ZFTA: variants seen among roughly 807,000 people sequenced by gnomAD.
ZFTA encodes zinc finger translocation-associated protein.
In ZFTA, 35 loss-of-function variants were observed where a neutral mutation model predicts 41.8. That is an observed-to-expected ratio of 0.84 (90% CI 0.64 to 1.11). The LOEUF is 1.11. ZFTA is among the 50% of genes most tolerant of loss of function. The pLI, the probability that ZFTA is intolerant of heterozygous loss-of-function variation, is 0.00. For synonymous variants in ZFTA, 514 were observed against 436.4 expected, an observed-to-expected ratio of 1.18 and a Z score of -2.22; for missense variants, 964 against 989.8, an observed-to-expected ratio of 0.97 and a Z score of 0.35.
Position 63,766,253 on chromosome 11 carries a change from G to A in ZFTA, c.191C>T (p.Pro64Leu). 6.6e-7 allele frequency: 1 copy of A among 1,521,144 alleles called. No homozygotes were observed. The highest frequency in any genetic ancestry group is 8.8e-7 in the Non-Finnish European group (1 of 1,136,356). 94.2% of individuals were successfully genotyped at this position (1,521,144 alleles called of 1,614,324 possible). The change falls in exon 2 of 5, where the codon CCC (proline) becomes CTC (leucine). Residue 64 changes from proline to leucine, a missense_variant. By Grantham distance (98) the Pro-to-Leu change is moderately conservative (BLOSUM62 -3). Coordinates refer to ENST00000433688, the MANE Select transcript of ZFTA (RefSeq NM_001144936.2). ...TCCCCTGGCCCTGGAGGAGGGCAGG[G>A]GGGCACTCCCCCAGGACCCCAAGGC... ...GGALGSWGSA[P>L]LPSSRARGPA...
At position 63,764,529 on chromosome 11, in the gene ZFTA, G is replaced by A. The variant is rs2014713079; in HGVS notation, c.1094C>T (p.Ser365Phe). 9 of 1,257,364 alleles carry A rather than the reference G, an allele frequency of 7.2e-6. No homozygotes were observed. Among genetic ancestry groups the A allele is most frequent in the Middle Eastern group, 2.1e-4 (1 of 4,816 alleles). 77.9% of individuals were successfully genotyped at this position (1,257,364 alleles called of 1,614,324 possible). A position where few individuals can be genotyped will look rare whatever the true frequency, so the allele number is the denominator to read the frequency against. ...GTCTGGGGGGCTGAGATCCTGAGAG[G>A]AGGGGGCTCCAGCAGCGGAGGCCGA... ...RDSASAAGAPSSQDLSPPDVK... is the reference protein window; with the variant it reads ...RDSASAAGAPFSQDLSPPDVK... The change falls in exon 4 of 5, where the codon TCC becomes TTC. Residue 365 changes from serine to phenylalanine, a missense_variant. Coordinates refer to ENST00000433688, the MANE Select transcript of ZFTA (RefSeq NM_001144936.2).
rs960847615 is a variant in ZFTA at position 63,764,413 on chromosome 11, C to A, written c.1210G>T (p.Val404Phe). 1.6e-6 allele frequency: 2 copies of A among 1,273,484 alleles called. No homozygotes were observed. The highest frequency in any genetic ancestry group is 2.0e-6 in the Non-Finnish European group (2 of 1,012,402). 78.9% of individuals were successfully genotyped at this position (1,273,484 alleles called of 1,614,324 possible). A position where few individuals can be genotyped will look rare whatever the true frequency, so the allele number is the denominator to read the frequency against. Residue 404 changes from valine to phenylalanine, a missense_variant, in exon 4 of 5, where the codon GTC becomes TTC. Around this residue, in one of 5 missense-constraint regions of ZFTA, gnomAD observed 584 missense variants for 523.1 expected, o/e 1.12. Transcript: ENST00000433688. ...CGGCCCCGCGGCGACCGGCCCGGGA[C>A]CCCCGCCCTCTCGCCCTCGCCCTCC... ...LEEGEGERAGVPGRSPRGRAH... is the reference protein window; with the variant it reads ...LEEGEGERAGFPGRSPRGRAH...
chr11:63,763,759 G>A lies in ZFTA; in HGVS notation c.1696C>T (p.Pro566Ser). ...CTGCGGGGCGGGGGCGGAGGCGGGG[G>A]AGGAGGCGGCGGCGGCAAGGCGAGT... is the stretch of plus-strand genomic sequence containing the variant. Reference protein sequence around the residue: ...GGLALPPPPPPPPPPPPRSRE... With the variant: ...GGLALPPPPPSPPPPPPRSRE... The change falls in exon 5 of 5, where the codon CCC (proline) becomes TCC (serine). Residue 566 changes from proline to serine, a missense_variant. This residue lies in a region of ZFTA where 584 missense variants were observed against 523.1 expected (regional missense o/e 1.12). Transcript: ENST00000433688. 5 of 1,469,328 alleles carry A rather than the reference G, an allele frequency of 3.4e-6. No individual in the cohort carries two copies. Among genetic ancestry groups the A allele is most frequent in the Non-Finnish European group, 4.5e-6 (5 of 1,111,904 alleles). The allele number at this position is 1,469,328 out of a possible 1,614,324, so 91.0% of individuals were successfully genotyped here.
At chr11:63,768,444 C>T in intron 1 of ZFTA, 40 bp downstream of exon 1, 1 of 1,086,120 alleles carries the variant, frequency 9.2e-7, no homozygotes, top group Non-Finnish European at 1.1e-6. Context: ...CCTTCCCCCA[C>T]GCCGGGGCCC....
chr11:63,765,983 T>C lies in ZFTA; in HGVS notation c.461A>G (p.His154Arg), dbSNP rs1436191401. The C allele has an allele frequency of 3.9e-6, 6 of 1,551,522 alleles. No homozygotes were observed. The highest frequency in any genetic ancestry group is 5.2e-6 in the Non-Finnish European group (6 of 1,146,954). ...HIRQKHPYSL[H>R]WSPREKEVIS... ...GACTTCCTTCTCCCGGGGACTCCAA[T>C]GCAAGGAGTAGGGGTGCTTTTGGCG... The change falls in exon 2 of 5, where the codon CAT becomes CGT. Residue 154 changes from histidine to arginine, a missense_variant. Coordinates refer to ENST00000433688, the MANE Select transcript of ZFTA (RefSeq NM_001144936.2). The surrounding 1 kb of genome is among the most constrained non-coding windows in gnomAD (Gnocchi z 4.0).
Position 63,765,020 on chromosome 11 carries a change from GC to G in ZFTA, c.871del (p.Ala291HisfsTer60). 1 of 1,548,954 alleles carries G rather than the reference GC, an allele frequency of 6.5e-7. No homozygotes were observed. Among genetic ancestry groups the G allele is most frequent in the Non-Finnish European group, 8.7e-7 (1 of 1,146,556 alleles). Reference sequence around the variant, plus strand: ...GTCGTCCAGGTGCAGGCTGGGCAGTGCCCGGCCACAGGCCATGCACACCAGC... The same window carrying G: ...GTCGTCCAGGTGCAGGCTGGGCAGTGCCGGCCACAGGCCATGCACACCAGC... ...NRLVCMACGR[A>X]LPSLHLDDIR... On this transcript the variant is annotated frameshift_variant, in exon 3 of 5. Coordinates refer to ENST00000433688, the MANE Select transcript of ZFTA (RefSeq NM_001144936.2). LOFTEE classifies it high-confidence loss of function. The surrounding 1 kb of genome is among the most constrained non-coding windows in gnomAD (Gnocchi z 4.0).
At chr11:63,766,497 C>G (rs895395564) in intron 1 of ZFTA, among the ~76,000 whole-genome samples, 193 bp from the exon 2 acceptor site, 1 of 152,066 alleles carries the variant, frequency 6.6e-6, no homozygotes, top group Non-Finnish European at 1.5e-5. Context: ...GGGCAAGGAC[C>G]CTTTAAGAGG....
In ZFTA at chr11:63,766,228, TC is replaced by T. The variant is rs35438004; in HGVS notation, c.215del (p.Gly72AspfsTer43). On this transcript the variant is annotated frameshift_variant, in exon 2 of 5. Transcript: ENST00000433688. LOFTEE classifies it high-confidence loss of function. ...SAPLPSSRARGPASSGRKYSD... is the reference protein window; with the variant it reads ...SAPLPSSRARXPASSGRKYSD... ...AATATTTCCTGCCTGAAGATGCTGG[TC>T]CCCTGGCCCTGGAGGAGGGCAGGGG... 6.5e-7 allele frequency: 1 copy of T among 1,533,240 alleles called. No individual in the cohort carries two copies. 95.0% of individuals were successfully genotyped at this position (1,533,240 alleles called of 1,614,324 possible).
Position 63,768,550 on chromosome 11 carries a change from C to T in ZFTA, c.73G>A (p.Ala25Thr). Residue 25 changes from alanine (A) to threonine (T), a missense_variant, in exon 1 of 5, where the codon GCA (alanine) becomes ACA (threonine). Transcript: ENST00000433688. ...GCGGGCGGCAGCCGTCGGCCCCGTG[C>T]CGAGGCCACTGCTGGCCCGGGGCCG... ...RGGPGPAVAS[A>T]RGRRLPPAGS... The T allele has an allele frequency of 2.6e-6, 3 of 1,132,932 alleles. No individual in the cohort carries two copies. The highest frequency in any genetic ancestry group is 5.0e-5 in the Admixed American group (1 of 19,870). 70.2% of individuals were successfully genotyped at this position (1,132,932 alleles called of 1,614,324 possible).
chr11:63,764,618 G>C lies in ZFTA; in HGVS notation c.1025-20C>G. On this transcript the variant is annotated intron_variant, in intron 3 of 4. Coordinates refer to ENST00000433688, the MANE Select transcript of ZFTA (RefSeq NM_001144936.2). ...CATCGCCTGTTGGGGAAGGGGTGAGGGAGAGGGGCTCAGCCTGCTGGCTGG... is the reference window on the plus strand; with the variant it reads ...CATCGCCTGTTGGGGAAGGGGTGAGCGAGAGGGGCTCAGCCTGCTGGCTGG... 7.9e-7 allele frequency: 1 copy of C among 1,263,578 alleles called. No homozygotes were observed. Among genetic ancestry groups the C allele is most frequent in the Non-Finnish European group, 1.0e-6 (1 of 1,003,026 alleles). 78.3% of individuals were successfully genotyped at this position (1,263,578 alleles called of 1,614,324 possible).
Position 63,764,294 on chromosome 11 carries a change from C to A in ZFTA, c.1329G>T (p.Gly443=). The A allele has an allele frequency of 1.4e-6, 2 of 1,421,180 alleles. No homozygotes were observed. Among genetic ancestry groups the A allele is most frequent in the Non-Finnish European group, 1.8e-6 (2 of 1,093,996 alleles). The allele number at this position is 1,421,180 out of a possible 1,614,324, so 88.0% of individuals were successfully genotyped here. The part of the protein sequence containing the change: ...GRRGLVCGVC[G]GALASLKMST... Reference sequence around the variant, plus strand: ...TCATCTTGAGCGAGGCCAGCGCGCCCCCGCACACCCCGCACACCAGGCCGC... The same window carrying A: ...TCATCTTGAGCGAGGCCAGCGCGCCACCGCACACCCCGCACACCAGGCCGC... The change falls in exon 4 of 5, where the codon GGG becomes GGT. Residue 443 remains glycine (G), a synonymous_variant. Transcript: ENST00000433688.
chr11:63,767,057 T>G (rs1249799291), intron 1 of ZFTA, among the ~76,000 whole-genome samples: 1 of 152,194 alleles, frequency 6.6e-6, no homozygotes, highest in Non-Finnish European at 1.5e-5. Context: ...CTGAAGCCCA[T>G]TAAGTCTTTC....
chr11:63,763,654 C>A lies in ZFTA; in HGVS notation c.1801G>T (p.Val601Leu). 1 of 1,545,370 alleles carries A rather than the reference C, an allele frequency of 6.5e-7. No homozygotes were observed. The highest frequency in any genetic ancestry group is 8.7e-7 in the Non-Finnish European group (1 of 1,144,436). Reference sequence around the variant, plus strand: ...AGCGCGCCCCCGCACACCATACACACCAGGCCGCGCCGGCTGCCGTCGTAG... The same window carrying A: ...AGCGCGCCCCCGCACACCATACACAACAGGCCGCGCCGGCTGCCGTCGTAG... ...MDYDGSRRGLVCMVCGGALAT... is the reference protein window; with the variant it reads ...MDYDGSRRGLLCMVCGGALAT... Residue 601 changes from valine to leucine, a missense_variant, in exon 5 of 5, where the codon GTG (valine) becomes TTG (leucine). Around this residue, in one of 5 missense-constraint regions of ZFTA, gnomAD observed 63 missense variants for 97.8 expected, o/e 0.64. Transcript: ENST00000433688.
rs2014680054 is a variant in ZFTA, at chr11:63,763,295, G to C, written c.*123C>G. The C allele has an allele frequency of 5.8e-6, 4 of 685,274 alleles. No individual in the cohort carries two copies. Among genetic ancestry groups the C allele is most frequent in the South Asian group, 1.4e-4 (2 of 14,536 alleles). 42.4% of individuals were successfully genotyped at this position (685,274 alleles called of 1,614,324 possible). A position where few individuals can be genotyped will look rare whatever the true frequency, so the allele number is the denominator to read the frequency against. On this transcript the variant is annotated 3_prime_UTR_variant, in exon 5 of 5. Coordinates refer to ENST00000433688, the MANE Select transcript of ZFTA (RefSeq NM_001144936.2). ...CTCCGCCCGGCCCGGCCAGCGGGGG[G>C]CGCGGCCGCGGGAAGCGCTAACACC...
At position 63,763,789 on chromosome 11, in the gene ZFTA, C is replaced by G; in HGVS notation, c.1666G>C (p.Gly556Arg). 6.9e-7 allele frequency: 1 copy of G among 1,458,888 alleles called. No individual in the cohort carries two copies. The highest frequency in any genetic ancestry group is 1.5e-5 in the South Asian group (1 of 68,180). 90.4% of individuals were successfully genotyped at this position (1,458,888 alleles called of 1,614,324 possible). The change falls in exon 5 of 5, where the codon GGG (glycine) becomes CGG (arginine). Residue 556 changes from glycine (G) to arginine (R), a missense_variant. Physicochemically the swap from Gly to Arg is moderately radical, Grantham distance 125. Transcript: ENST00000433688. ...GGCGGCGGCGGCAAGGCGAGTCCCCCAGGCTCCTGGCCGTCCTCTTCGTCC... is the reference window on the plus strand; with the variant it reads ...GGCGGCGGCGGCAAGGCGAGTCCCCGAGGCTCCTGGCCGTCCTCTTCGTCC... ...EEDEEDGQEP[G>R]GLALPPPPPP...
chr11:63,763,857 A>G lies in ZFTA; in HGVS notation c.1598T>C (p.Leu533Pro). ...CCGCTCCAAGGGAGCTCCAGGGGAC[A>G]GCGGAACGTCGCCTAAGGAGGGACA... The part of the protein sequence containing the change: ...EEEEEWGDVP[L>P]SPGAPLERPA... Residue 533 changes from leucine (L) to proline (P), a missense_variant, in exon 5 of 5, where the codon CTG becomes CCG. By Grantham distance (98) the Leu-to-Pro change is moderately conservative (BLOSUM62 -3). This residue lies in a region of ZFTA where 584 missense variants were observed against 523.1 expected (regional missense o/e 1.12). Coordinates refer to ENST00000433688, the MANE Select transcript of ZFTA (RefSeq NM_001144936.2). 2.1e-6 allele frequency: 3 copies of G among 1,425,940 alleles called. No homozygotes were observed. Among genetic ancestry groups the G allele is most frequent in the African/African-American group, 3.0e-5 (2 of 66,542 alleles). 88.3% of individuals were successfully genotyped at this position (1,425,940 alleles called of 1,614,324 possible).
rs2014705975 is a variant in ZFTA at position 63,764,240 on chromosome 11, G to T, written c.1383C>A (p.Arg461=). ...MSTIERHIRR[R]HPGSTRLGGP... is the part of the protein sequence containing the mutation. ...CGCCGAGGCGCGTGGAGCCCGGGTG[G>T]CGCCGGCGGATGTGGCGCTCGATGG... Residue 461 remains arginine, a synonymous_variant, in exon 4 of 5, where the codon CGC becomes CGA. Coordinates refer to ENST00000433688, the MANE Select transcript of ZFTA (RefSeq NM_001144936.2). 2.1e-6 allele frequency: 3 copies of T among 1,447,200 alleles called. No individual in the cohort carries two copies. In the South Asian group the frequency reaches 4.1e-5, roughly 20 times the overall value. 89.6% of individuals were successfully genotyped at this position (1,447,200 alleles called of 1,614,324 possible).
Position 63,765,314 on chromosome 11 carries a change from G to A in ZFTA, c.638-60C>T. On this transcript the variant is annotated intron_variant, in intron 2 of 4. Transcript: ENST00000433688. This position sits in a 1 kb window ranked among gnomAD's most constrained non-coding sequence, Gnocchi z 4.0. ...GCCCCACGGGAGCATACCCACTACA[G>A]CCAGGTCTCCCACAAGCCTCTCACT... is the stretch of plus-strand genomic sequence containing the variant. The A allele has an allele frequency of 2.1e-6, 3 of 1,405,962 alleles. No individual in the cohort carries two copies. The highest frequency in any genetic ancestry group is 2.8e-6 in the Non-Finnish European group (3 of 1,084,714). The allele number at this position is 1,405,962 out of a possible 1,614,324, so 87.1% of individuals were successfully genotyped here. A position where few individuals can be genotyped will look rare whatever the true frequency, so the allele number is the denominator to read the frequency against.
chr11:63,763,406 C>A lies in ZFTA; in HGVS notation c.*12G>T. The A allele has an allele frequency of 2.3e-6, 3 of 1,282,768 alleles. 1 individual carries two copies. Among genetic ancestry groups the A allele is most frequent in the Middle Eastern group, 6.1e-4 (2 of 3,284 alleles). The allele number at this position is 1,282,768 out of a possible 1,614,324, so 79.5% of individuals were successfully genotyped here. A position where few individuals can be genotyped will look rare whatever the true frequency, so the allele number is the denominator to read the frequency against. On this transcript the variant is annotated 3_prime_UTR_variant, in exon 5 of 5. Coordinates refer to ENST00000433688, the MANE Select transcript of ZFTA (RefSeq NM_001144936.2). ...GACCCGACCCGACCTGACCCGGGGGCCCGCTAGGCCGCTACGCCCGACACA... is the reference window on the plus strand; with the variant it reads ...GACCCGACCCGACCTGACCCGGGGGACCGCTAGGCCGCTACGCCCGACACA...
Sources: allele counts gnomAD v4.1 joint callset (sites outside exome capture counted in the v4.1 genomes callset), GRCh38; gene constraint gnomAD v4.1.1; regional missense constraint gnomAD v4.1.1; non-coding constraint Gnocchi (gnomAD v3.1); transcripts MANE v1.5; gene names NCBI Gene and HGNC (gene_info 2026-07-23, HGNC 2026-07-21).